Variants in ANOS1 observed in about 807,000 individuals in gnomAD.
The protein encoded by ANOS1 is anosmin 1.
In ANOS1, 6 loss-of-function variants were observed where a neutral mutation model predicts 59.0. The observed-to-expected ratio is 0.10, with a 90% CI of 0.06 to 0.20. The LOEUF (loss-of-function observed/expected upper bound fraction) is 0.20. Ranked by LOEUF, ANOS1 falls within the 10% of genes least tolerant of loss-of-function variation. The pLI is 1.00. For synonymous variants in ANOS1, 217 were observed against 223.4 expected, an observed-to-expected ratio of 0.97 and a Z score of 0.25; for missense variants, 433 against 542.3, an observed-to-expected ratio of 0.80 and a Z score of 2.00.
At chrX:8,669,026 A>C (rs1241945842) in intron 2 of ANOS1, among the ~76,000 whole-genome samples, 2 of 112,198 alleles carry the variant, frequency 1.8e-5, no homozygotes, top group African/African-American at 6.5e-5. Flanking sequence ...TTTGCCCAGG[A>C]GGTCAGAGAA....
At chrX:8,612,467 A>G (rs5978923) in intron 3 of ANOS1, among the ~76,000 whole-genome samples, 39,593 of 108,759 alleles carry the variant, frequency 0.36, 5,420 homozygotes, top group South Asian at 0.42. Context: ...AATCAAAATT[A>G]AGCAAAAGTA....
Position 8,623,724 on chromosome X carries a change from G to T in ANOS1, c.256-54C>A, listed in dbSNP as rs1037419386. On this transcript the variant is annotated intron_variant, in intron 2 of 13. Transcript: ENST00000262648. ...AAAACATGGAAACAAACAAAGCTGAGAGGAAAAAAGAATTCACCTGTGATT... is the reference window on the plus strand; with the variant it reads ...AAAACATGGAAACAAACAAAGCTGATAGGAAAAAAGAATTCACCTGTGATT... The T allele has an allele frequency of 4.9e-5, 46 of 944,280 alleles. No individual in the cohort carries two copies. The Admixed American group carries it at 1.1e-3, about 22-fold the overall frequency. The allele number at this position is 944,280 out of a possible 1,213,427, so 77.8% of individuals were successfully genotyped here.
At chrX:8,700,781 G>A (rs1201028663) in intron 1 of ANOS1, among the ~76,000 whole-genome samples, 2 of 111,872 alleles carry the variant, frequency 1.8e-5, no homozygotes, top group Non-Finnish European at 3.8e-5. Flanking sequence ...GGCCAAGACG[G>A]GTGGATCGCC....
Position 8,611,969 on chromosome X carries a change from A to C in ANOS1, c.318+11639T>G, listed in dbSNP as rs1415891375. On this transcript the variant is annotated intron_variant, in intron 3 of 13. Coordinates refer to ENST00000262648, the MANE Select transcript of ANOS1 (RefSeq NM_000216.4). ...ATATCTCTGGAAGAAGATAAGTTTA[A>C]AGCAAAAACCATAAAAATGTGATGT... is the stretch of plus-strand genomic sequence containing the variant. Among the ~76,000 whole-genome samples, 4 of 112,046 alleles carry C rather than the reference A, an allele frequency of 3.6e-5. No homozygotes were observed. The East Asian group carries it at 8.3e-4, about 23-fold the overall frequency.
chrX:8,657,625 C>A (rs1931955635), intron 2 of ANOS1, among the ~76,000 whole-genome samples: 1 of 109,808 alleles, frequency 9.1e-6, no homozygotes, highest in African/African-American at 3.3e-5. Context: ...CGTGCCACCA[C>A]GCCAAACAGA....
intron 8 of ANOS1, among the ~76,000 whole-genome samples, chrX:8,556,847 C>CA (rs1157388316): frequency 9.0e-6 from 1 of 111,276 alleles, no homozygotes; most frequent in Non-Finnish European, 1.9e-5. Flanking sequence ...TATATGGAAC[C>CA]AAAAAAGAGT....
chrX:8,716,311 A>G (rs913512025), intron 1 of ANOS1, among the ~76,000 whole-genome samples: 1 of 111,877 alleles, frequency 8.9e-6, no homozygotes, highest in African/African-American at 3.2e-5. Flanking sequence ...GTTGCCAAAG[A>G]CGCAAGGAAA....
chrX:8,685,553 AGAAAGAAG>A (rs1325407616), intron 2 of ANOS1, among the ~76,000 whole-genome samples: 4 of 69,905 alleles, frequency 5.7e-5, no homozygotes, highest in African/African-American at 2.9e-4. Context: ...AGGGGAAGAA[AGAAAGAAG>A]GAAGGAAGGA....
At chrX:8,697,036 GT>G (rs1932694164) in intron 2 of ANOS1, among the ~76,000 whole-genome samples, 1 of 112,161 alleles carries the variant, frequency 8.9e-6, no homozygotes, top group Non-Finnish European at 1.9e-5. Context: ...CAGTTAAAAT[GT>G]TTTCTTCCAG....
rs764879162 is a variant in ANOS1, at chrX:8,732,022, C to A, written c.15G>T (p.Val5=). 3.0e-6 allele frequency: 3 copies of A among 995,614 alleles called. No individual in the cohort carries two copies. Among genetic ancestry groups the A allele is most frequent in the Non-Finnish European group, 3.8e-6 (3 of 789,739 alleles). The allele number at this position is 995,614 out of a possible 1,213,427, so 82.0% of individuals were successfully genotyped here. A position where few individuals can be genotyped will look rare whatever the true frequency, so the allele number is the denominator to read the frequency against. The stretch of plus-strand genomic sequence containing the variant: ...GGCAGAGGGTCAGGACCGCGCCGGG[C>A]ACCCCGGGCACCATGGCTGCGGGTC... MVPG[V]PGAVLTLCLW... Residue 5 remains valine, a synonymous_variant, in exon 1 of 14, where the codon GTG becomes GTT. Transcript: ENST00000262648.
chrX:8,565,125 G>A (rs1930089034), intron 8 of ANOS1, among the ~76,000 whole-genome samples: 3 of 111,610 alleles, frequency 2.7e-5, no homozygotes, highest in South Asian at 7.5e-4. Flanking sequence ...AGTTGAAGTC[G>A]GACTTTTTTT....
At chrX:8,545,550 T>A (rs55923845) in intron 9 of ANOS1, among the ~76,000 whole-genome samples, 23,136 of 111,500 alleles carry the variant, frequency 0.21, 1,936 homozygotes, top group Middle Eastern at 0.36. Flanking sequence ...AAAATAATGT[T>A]TGTTCTACAA....
intron 2 of ANOS1, among the ~76,000 whole-genome samples, chrX:8,664,037 G>A (rs1569076825): frequency 9.0e-6 from 1 of 110,865 alleles, no homozygotes; most frequent in Non-Finnish European, 1.9e-5. Context: ...CACACACTGG[G>A]GCCTGTCAAA....
intron 9 of ANOS1, among the ~76,000 whole-genome samples, chrX:8,547,588 G>T (rs1185669553): frequency 8.9e-6 from 1 of 112,097 alleles, no homozygotes; most frequent in Admixed American, 9.5e-5. Context: ...CTTAAAGGTA[G>T]GAAATCTCTC....
intron 2 of ANOS1, among the ~76,000 whole-genome samples, chrX:8,634,671 C>T (rs1931544378): frequency 8.9e-6 from 1 of 111,903 alleles, no homozygotes; most frequent in Non-Finnish European, 1.9e-5. Flanking sequence ...GTTCTCATAA[C>T]TTAAGTGTGT....
intron 6 of ANOS1, among the ~76,000 whole-genome samples, 189 bp downstream of exon 6, chrX:8,585,078 A>C (rs1332833899): frequency 6.2e-5 from 7 of 112,088 alleles, no homozygotes; most frequent in Non-Finnish European, 1.3e-4. Context: ...ACTGCAGGTA[A>C]AATTCCAATT....
chrX:8,729,988 C>A (rs1407709119), intron 1 of ANOS1, among the ~76,000 whole-genome samples: 1 of 111,195 alleles, frequency 9.0e-6, no homozygotes, highest in African/African-American at 3.3e-5. Context: ...GATTGTCTAG[C>A]AATGTGCATT....
intron 2 of ANOS1, among the ~76,000 whole-genome samples, chrX:8,662,665 T>A (rs185464487): frequency 1.8e-5 from 2 of 112,231 alleles, no homozygotes; most frequent in East Asian, 5.6e-4. Context: ...CCTCACCCAA[T>A]GACTGGTCTC....
chrX:8,588,416 C>A (rs1252739463), intron 4 of ANOS1, among the ~76,000 whole-genome samples: 1 of 111,250 alleles, frequency 9.0e-6, no homozygotes, highest in South Asian at 3.8e-4. Context: ...ATTGATATAT[C>A]CTAAGGTCAT....
Sources: gnomAD v4.1 joint callset for allele counts (sites outside exome capture counted in the v4.1 genomes callset) on GRCh38, gnomAD v4.1.1 for gene constraint, MANE v1.5 for transcripts, NCBI Gene and HGNC (gene_info 2026-07-23, HGNC 2026-07-21) for gene names.